Variants in ARHGAP10 observed in about 807,000 individuals in gnomAD.
ARHGAP10 encodes Rho GTPase activating protein 10, also known as rho GTPase-activating protein 10.
A neutral mutation model predicts 108.6 loss-of-function variants in ARHGAP10; 87 were observed. That is an observed-to-expected ratio of 0.80 (90% CI 0.67 to 0.96). The LOEUF is 0.96. Among genes scored for constraint, ARHGAP10 ranks in the 40% least tolerant of loss-of-function variants. The pLI is 0.00. For synonymous variants in ARHGAP10, 347 were observed against 341.1 expected, an observed-to-expected ratio of 1.02 and a Z score of -0.19; for missense variants, 939 against 954.5, an observed-to-expected ratio of 0.98 and a Z score of 0.21.
At chr4:148,028,656 C>T (rs1727989977) in intron 19 of ARHGAP10, among the ~76,000 whole-genome samples, 1 of 152,156 alleles carries the variant, frequency 6.6e-6, no homozygotes, top group Non-Finnish European at 1.5e-5. Context: ...AGAGTTGTAA[C>T]ATTTTGAAAA....
intron 1 of ARHGAP10, among the ~76,000 whole-genome samples, chr4:147,742,904 C>CT (rs11419792): frequency 0.97 from 140,719 of 144,772 alleles, 68,394 homozygotes; most frequent in Non-Finnish European, 0.99. Context: ...TACTGAAAGC[C>CT]TTTTTTTTTT....
At chr4:147,998,280 T>C (rs1032663515) in intron 18 of ARHGAP10, among the ~76,000 whole-genome samples, 1 of 151,906 alleles carries the variant, frequency 6.6e-6, no homozygotes, top group Non-Finnish European at 1.5e-5. Flanking sequence ...ACAGAAATAA[T>C]AGATATACAG....
At chr4:148,011,562 G>T (rs1375213473) in intron 18 of ARHGAP10, among the ~76,000 whole-genome samples, 3 of 152,226 alleles carry the variant, frequency 2.0e-5, no homozygotes, top group Non-Finnish European at 4.4e-5. Context: ...GGCCTTTCAT[G>T]ATTGAGCATC....
chr4:147,876,548 G>A (rs1404870645), intron 8 of ARHGAP10, among the ~76,000 whole-genome samples: 3 of 151,958 alleles, frequency 2.0e-5, no homozygotes, highest in South Asian at 2.1e-4. Context: ...AGCCAAGATC[G>A]CGCCACTGCA....
intron 1 of ARHGAP10, among the ~76,000 whole-genome samples, chr4:147,796,105 C>T (rs908665999): frequency 3.3e-5 from 5 of 152,050 alleles, no homozygotes; most frequent in African/African-American, 1.2e-4. Flanking sequence ...TATAATTTCC[C>T]CCCCTTCTTG....
chr4:148,005,734 TTCTC>T (rs72393784), intron 18 of ARHGAP10, among the ~76,000 whole-genome samples: 1,809 of 152,340 alleles, frequency 0.012, 44 homozygotes, highest in East Asian at 0.11. Flanking sequence ...CTTATGTCCT[TTCTC>T]TTTCATGATT....
intron 16 of ARHGAP10, among the ~76,000 whole-genome samples, chr4:147,961,243 G>T (rs1382328241): frequency 2.0e-5 from 3 of 152,122 alleles, no homozygotes; most frequent in Non-Finnish European, 4.4e-5. Flanking sequence ...AGCCATTCTG[G>T]CAGGTGAGTA....
At chr4:148,050,710 CT>C (rs1729100731) in intron 20 of ARHGAP10, among the ~76,000 whole-genome samples, 1 of 152,186 alleles carries the variant, frequency 6.6e-6, no homozygotes. Flanking sequence ...CAAACTCTTC[CT>C]CTAGGAATTC....
At chr4:147,999,774 G>A (rs1159467623) in intron 18 of ARHGAP10, among the ~76,000 whole-genome samples, 1 of 152,132 alleles carries the variant, frequency 6.6e-6, no homozygotes, top group African/African-American at 2.4e-5. Flanking sequence ...GGAAGCGGCT[G>A]GTCACCATCT....
At chr4:148,069,001 G>A (rs1052786476) in intron 22 of ARHGAP10, among the ~76,000 whole-genome samples, 7 of 152,124 alleles carry the variant, frequency 4.6e-5, no homozygotes, top group Middle Eastern at 3.2e-3. Context: ...GGGAGGGTGC[G>A]TGGGAAATGA....
At chr4:147,802,520 C>T (rs879639527) in intron 1 of ARHGAP10, among the ~76,000 whole-genome samples, 2 of 152,200 alleles carry the variant, frequency 1.3e-5, no homozygotes, top group Non-Finnish European at 2.9e-5. Flanking sequence ...CCCCTTTGGA[C>T]CATGTTTGTA....
chr4:148,064,778 G>A (rs145038841), intron 22 of ARHGAP10, among the ~76,000 whole-genome samples: 1,721 of 152,280 alleles, frequency 0.011, 19 homozygotes, highest in Non-Finnish European at 0.016. Flanking sequence ...CTCTCCTGAC[G>A]GGAAGAAGCT....
intron 1 of ARHGAP10, among the ~76,000 whole-genome samples, chr4:147,766,790 A>G (rs1029913728): frequency 7.6e-6 from 1 of 131,668 alleles, no homozygotes; most frequent in Non-Finnish European, 1.5e-5. Context: ...ATATTCATAC[A>G]TATATTCACA....
chr4:148,062,969 G>T (rs1040359113), intron 20 of ARHGAP10, among the ~76,000 whole-genome samples, 179 bp from the exon 21 acceptor site: 2 of 152,144 alleles, frequency 1.3e-5, no homozygotes, highest in Non-Finnish European at 2.9e-5. Context: ...CTGGTTTCTG[G>T]GTTGTTGGTA....
intron 10 of ARHGAP10, among the ~76,000 whole-genome samples, chr4:147,898,546 G>C (rs1350000287): frequency 1.3e-5 from 2 of 151,782 alleles, no homozygotes; most frequent in Non-Finnish European, 2.9e-5. Flanking sequence ...GAAAATCTTA[G>C]TCATTATCTC....
At chr4:147,885,746 C>G (rs888091285) in intron 10 of ARHGAP10, among the ~76,000 whole-genome samples, 1 of 152,340 alleles carries the variant, frequency 6.6e-6, no homozygotes, top group Non-Finnish European at 1.5e-5. Flanking sequence ...TCCAGTTCAG[C>G]TGTTGCTCCT....
chr4:147,825,776 T>A (rs1479020757), intron 3 of ARHGAP10, among the ~76,000 whole-genome samples: 1 of 152,102 alleles, frequency 6.6e-6, no homozygotes, highest in Non-Finnish European at 1.5e-5. Flanking sequence ...ATAGTGTCAA[T>A]TTTTTTTCTT....
chr4:148,054,580 T>C (rs1213393327), intron 20 of ARHGAP10, among the ~76,000 whole-genome samples: 1 of 152,234 alleles, frequency 6.6e-6, no homozygotes, highest in Non-Finnish European at 1.5e-5. Flanking sequence ...TTTCTAGCCT[T>C]GGAGAAGCTC....
intron 13 of ARHGAP10, among the ~76,000 whole-genome samples, chr4:147,937,128 AG>A (rs1003640291): frequency 6.1e-4 from 93 of 152,298 alleles, no homozygotes; most frequent in African/African-American, 1.0e-3. Context: ...GGTGCCAAAA[AG>A]GTTGGGGATG....
Sources: gnomAD v4.1 joint callset for allele counts (sites outside exome capture counted in the v4.1 genomes callset) on GRCh38, gnomAD v4.1.1 for gene constraint, MANE v1.5 for transcripts, NCBI Gene and HGNC (gene_info 2026-07-23, HGNC 2026-07-21) for gene names.